EDIL3: variants seen among roughly 807,000 people sequenced by gnomAD.
EDIL3 encodes the protein EGF like and discoidin domains 3.
EDIL3 carries 37 observed loss-of-function variants against 67.4 expected under a neutral mutation model. The ratio of observed to expected loss-of-function variants is 0.55; its 90% CI spans 0.42 to 0.72. The LOEUF (loss-of-function observed/expected upper bound fraction) is 0.72, where lower values mean the gene tolerates loss of function less well. EDIL3 is among the 30% of genes least tolerant of loss of function. The probability of loss-of-function intolerance (pLI) is 0.00; values close to 1 mark genes in which losing one functional copy is unlikely to be tolerated. For synonymous variants in EDIL3, 195 were observed against 196.3 expected, an observed-to-expected ratio of 0.99 and a Z score of 0.05; for missense variants, 527 against 586.3, an observed-to-expected ratio of 0.90 and a Z score of 1.04.
intron 9 of EDIL3, among the ~76,000 whole-genome samples, chr5:84,002,465 C>G (rs73145912): frequency 0.12 from 18,765 of 152,152 alleles, 2,869 homozygotes; most frequent in African/African-American, 0.36. Context: ...AAGAAATACA[C>G]AGCATCCAAA....
chr5:84,231,517 A>G (rs1744577638), intron 2 of EDIL3, among the ~76,000 whole-genome samples: 1 of 152,180 alleles, frequency 6.6e-6, no homozygotes, highest in African/African-American at 2.4e-5. Flanking sequence ...GGATTCGTTA[A>G]TCAAGGTATC....
At chr5:84,133,462 TACA>T (rs1643758928) in intron 5 of EDIL3, among the ~76,000 whole-genome samples, 2 of 20,674 alleles carry the variant, frequency 9.7e-5, no homozygotes, top group African/African-American at 4.8e-4. Flanking sequence ...CTACTAAAAA[TACA>T]AAAAAAAAAA....
chr5:83,944,069 A>AT (rs892508083), intron 10 of EDIL3, among the ~76,000 whole-genome samples: 4 of 152,024 alleles, frequency 2.6e-5, no homozygotes, highest in Admixed American at 2.0e-4. Flanking sequence ...ACTTCTGTAT[A>AT]TATCTGTTTC....
chr5:84,367,164 G>T (rs1747756044), intron 1 of EDIL3, among the ~76,000 whole-genome samples: 1 of 151,940 alleles, frequency 6.6e-6, no homozygotes, highest in South Asian at 2.1e-4. Flanking sequence ...ATAACAGTTT[G>T]GTAGGAAAAA....
intron 4 of EDIL3, among the ~76,000 whole-genome samples, chr5:84,163,891 A>T (rs1580356291): frequency 6.6e-6 from 1 of 152,256 alleles, no homozygotes; most frequent in South Asian, 2.1e-4. Context: ...ATTCTACCTT[A>T]TAAACTTCTA....
intron 9 of EDIL3, among the ~76,000 whole-genome samples, chr5:83,985,181 T>C (rs752384837): frequency 1.3e-5 from 2 of 149,126 alleles, no homozygotes; most frequent in Non-Finnish European, 3.0e-5. Flanking sequence ...TATATTTCCT[T>C]GCAAATTGAT....
At chr5:84,283,988 T>TA (rs1745759772) in intron 1 of EDIL3, among the ~76,000 whole-genome samples, 1 of 152,020 alleles carries the variant, frequency 6.6e-6, no homozygotes, top group South Asian at 2.1e-4. Flanking sequence ...ATCCTTTTCA[T>TA]ATTCTACCTC....
intron 9 of EDIL3, among the ~76,000 whole-genome samples, chr5:84,020,095 A>C (rs1386773867): frequency 6.7e-6 from 1 of 149,332 alleles, no homozygotes. Flanking sequence ...AAAAAAACGC[A>C]ACAAACAAAA....
chr5:84,145,336 C>T (rs1748273026), intron 4 of EDIL3, among the ~76,000 whole-genome samples: 1 of 152,032 alleles, frequency 6.6e-6, no homozygotes, highest in Non-Finnish European at 1.5e-5. Flanking sequence ...GAGAGCTGAG[C>T]ACTTTGAATT....
At chr5:84,091,851 A>C (rs1747172685) in intron 6 of EDIL3, among the ~76,000 whole-genome samples, 1 of 152,246 alleles carries the variant, frequency 6.6e-6, no homozygotes. Context: ...ATTAGAGGCA[A>C]TATGAGAATC....
At chr5:84,150,978 T>A (rs548257856) in intron 4 of EDIL3, among the ~76,000 whole-genome samples, 1 of 152,138 alleles carries the variant, frequency 6.6e-6, no homozygotes, top group South Asian at 2.1e-4. Context: ...TAATCTATCA[T>A]CACAGAAAGT....
chr5:84,194,918 TA>T (rs953395494), intron 3 of EDIL3, among the ~76,000 whole-genome samples: 1 of 151,892 alleles, frequency 6.6e-6, no homozygotes, highest in African/African-American at 2.4e-5. Flanking sequence ...ATTGAAATGA[TA>T]AAAAAATTAC....
At chr5:84,117,887 A>G (rs193110367) in intron 5 of EDIL3, among the ~76,000 whole-genome samples, 6 of 152,292 alleles carry the variant, frequency 3.9e-5, no homozygotes, top group Admixed American at 3.9e-4. Flanking sequence ...TCATTACCAC[A>G]AAATAAAAAT....
rs115009030 is a variant in EDIL3 at position 84,191,283 on chromosome 5, G to A, written c.227-10762C>T. On this transcript the variant is annotated intron_variant, in intron 3 of 10. Transcript: ENST00000296591. ...TTGATCTTGAAGGCAGTGGCAGGAG[G>A]TGGAGGAAAGGATTTCTATTTTTAC... Among the ~76,000 whole-genome samples the A allele has an allele frequency of 9.4e-3, 1,433 of 152,140 alleles. 18 individuals carry two copies. Among genetic ancestry groups the A allele is most frequent in the African/African-American group, 0.029 (1,207 of 41,534 alleles).
At chr5:84,054,622 A>G (rs1414276347) in intron 9 of EDIL3, among the ~76,000 whole-genome samples, 2 of 152,130 alleles carry the variant, frequency 1.3e-5, no homozygotes, top group Non-Finnish European at 2.9e-5. Context: ...CTCAGGATAC[A>G]AAATCAATGT....
intron 9 of EDIL3, among the ~76,000 whole-genome samples, chr5:83,979,299 C>A (rs2112146744): frequency 6.6e-6 from 1 of 152,190 alleles, no homozygotes; most frequent in Non-Finnish European, 1.5e-5. Context: ...GAATAACTCC[C>A]AGGCACTGCT....
At chr5:84,363,062 ACTT>A (rs1747647295) in intron 1 of EDIL3, among the ~76,000 whole-genome samples, 1 of 152,110 alleles carries the variant, frequency 6.6e-6, no homozygotes. Flanking sequence ...TATTTATTCT[ACTT>A]TAAGTATATA....
At chr5:84,105,712 T>A (rs1747447631) in intron 6 of EDIL3, among the ~76,000 whole-genome samples, 1 of 148,892 alleles carries the variant, frequency 6.7e-6, no homozygotes, top group Non-Finnish European at 1.5e-5. Context: ...TTTGAACACA[T>A]CCCTCCAGCA....
intron 6 of EDIL3, among the ~76,000 whole-genome samples, chr5:84,069,785 T>C (rs894505151): frequency 6.6e-6 from 1 of 151,618 alleles, no homozygotes; most frequent in African/African-American, 2.4e-5. Context: ...AACACTAGTG[T>C]TTTCATGCCC....
Sources: gnomAD v4.1 joint callset for allele counts (sites outside exome capture counted in the v4.1 genomes callset) on GRCh38, gnomAD v4.1.1 for gene constraint, MANE v1.5 for transcripts, NCBI Gene and HGNC (gene_info 2026-07-23, HGNC 2026-07-21) for gene names.